ERC1: variants seen among roughly 807,000 people sequenced by gnomAD.
The protein encoded by ERC1 is ELKS/RAB6-interacting/CAST family member 1, also known as RAB6 interacting protein 2.
ERC1 carries 56 observed loss-of-function variants against 132.0 expected under a neutral mutation model. The observed-to-expected ratio is 0.42, with a 90% CI of 0.34 to 0.53. The LOEUF (loss-of-function observed/expected upper bound fraction) is 0.53. Ranked by LOEUF, ERC1 falls within the 20% of genes least tolerant of loss-of-function variation. The pLI is 0.03. For synonymous variants in ERC1, 478 were observed against 476.1 expected (o/e 1.00, Z -0.05); for missense variants, 1,202 against 1,349.9 (o/e 0.89, Z 1.72).
At chr12:1,168,321 G>T (rs1011712508) in intron 8 of ERC1, among the ~76,000 whole-genome samples, 2 of 151,714 alleles carry the variant, frequency 1.3e-5, no homozygotes, top group African/African-American at 4.8e-5. Flanking sequence ...GATGGGTTTC[G>T]CCATGTTGCT....
At chr12:1,337,516 A>G (rs2083419335) in intron 15 of ERC1, among the ~76,000 whole-genome samples, 2 of 152,020 alleles carry the variant, frequency 1.3e-5, no homozygotes, top group Admixed American at 6.6e-5. Context: ...GTGCCTTTTA[A>G]TAGGGGTATT....
chr12:1,247,431 G>C (rs899941424), intron 13 of ERC1, among the ~76,000 whole-genome samples: 1 of 152,166 alleles, frequency 6.6e-6, no homozygotes. Context: ...GATGGGCACT[G>C]TTCTGTTTTT....
chr12:1,132,623 C>T (rs1051984936), intron 7 of ERC1, among the ~76,000 whole-genome samples: 4 of 152,062 alleles, frequency 2.6e-5, no homozygotes, highest in Non-Finnish European at 5.9e-5. Flanking sequence ...AAATGTTGTC[C>T]TGTGTGATGG....
At chr12:1,148,906 A>G (rs1390625410) in intron 8 of ERC1, among the ~76,000 whole-genome samples, 2 of 151,980 alleles carry the variant, frequency 1.3e-5, no homozygotes, top group African/African-American at 4.8e-5. Context: ...TTGGCCTAGT[A>G]CTGCTTTGTA....
upstream of ERC1, chr12:990,355 CA>C (rs34154699): frequency 6.3e-5 from 9 of 143,210 alleles, no homozygotes; most frequent in African/African-American, 5.1e-5. Context: ...TGCATGGCTC[CA>C]AAAAAAAAAC....
chr12:1,196,829 T>C (rs1956291837), intron 12 of ERC1, among the ~76,000 whole-genome samples: 2 of 119,542 alleles, frequency 1.7e-5, no homozygotes, highest in South Asian at 4.8e-4. Flanking sequence ...TCTCTCTCTC[T>C]CTGTCTGTCT....
rs552879184 is a variant in ERC1, at chr12:1,311,557, G to C, written c.2780+21545G>C. Among the ~76,000 whole-genome samples, 10 of 152,102 alleles carry C rather than the reference G, an allele frequency of 6.6e-5. No homozygotes were observed. In the South Asian group the frequency reaches 2.1e-3, roughly 32 times the overall value. Reference sequence around the variant, plus strand: ...TAAATACATAGTTGTCCTATTAATGGGGACCTTTTTTTCCCGTGAGCATCT... The same window carrying C: ...TAAATACATAGTTGTCCTATTAATGCGGACCTTTTTTTCCCGTGAGCATCT... On this transcript the variant is annotated intron_variant, in intron 15 of 18. Coordinates refer to ENST00000360905, the MANE Select transcript of ERC1 (RefSeq NM_178040.4).
At chr12:1,325,274 A>G (rs2082369736) in intron 15 of ERC1, among the ~76,000 whole-genome samples, 1 of 152,164 alleles carries the variant, frequency 6.6e-6, no homozygotes, top group African/African-American at 2.4e-5. Flanking sequence ...CTGAATTGTC[A>G]GGGCCTTTCT....
intron 12 of ERC1, among the ~76,000 whole-genome samples, chr12:1,195,875 GC>G (rs5795962): frequency 0.14 from 13,800 of 97,404 alleles, 1,502 homozygotes; most frequent in African/African-American, 0.33. Context: ...ACTTATTTCC[GC>G]CCCCCCCCCC....
chr12:1,307,857 C>A (rs1488833967), intron 15 of ERC1, among the ~76,000 whole-genome samples: 2 of 152,290 alleles, frequency 1.3e-5, no homozygotes, highest in East Asian at 3.9e-4. Context: ...TAGAACTGAA[C>A]TGAACTGTAG....
chr12:1,239,522 GA>G (rs1429335121), intron 13 of ERC1, among the ~76,000 whole-genome samples: 1 of 152,146 alleles, frequency 6.6e-6, no homozygotes, highest in African/African-American at 2.4e-5. Flanking sequence ...CAGAGTTCAA[GA>G]CCAGCCTGAG....
intron 15 of ERC1, among the ~76,000 whole-genome samples, chr12:1,354,251 T>TCCTTAGTTAAGCTAAGTTAACCA (rs2085309670): frequency 6.6e-6 from 1 of 152,106 alleles, no homozygotes; most frequent in African/African-American, 2.4e-5. Flanking sequence ...AGGCCAGGTG[T>TCCTTAGTTAAGCTAAGTTAACCA]GGTGGCTCAT....
chr12:1,323,928 T>C lies in ERC1; in HGVS notation c.2780+33916T>C, dbSNP rs368378475. Among the ~76,000 whole-genome samples, 4 of 152,186 alleles carry C rather than the reference T, an allele frequency of 2.6e-5. No individual in the cohort carries two copies. The East Asian group carries it at 7.7e-4, about 29-fold the overall frequency. On this transcript the variant is annotated intron_variant, in intron 15 of 18. Coordinates refer to ENST00000360905, the MANE Select transcript of ERC1 (RefSeq NM_178040.4). ...GGAATTTCGCCTCTGCTATTTTACC[T>C]TCTAAGCTGTGAACCCTTGTCATCC...
chr12:1,008,465 C>T (rs938371259), intron 1 of ERC1, among the ~76,000 whole-genome samples: 1 of 151,884 alleles, frequency 6.6e-6, no homozygotes, highest in Non-Finnish European at 1.5e-5. Flanking sequence ...TTTTTTGAGA[C>T]AGGCTCTTGC....
intron 13 of ERC1, among the ~76,000 whole-genome samples, chr12:1,258,272 T>C (rs568224142): frequency 4.6e-5 from 7 of 152,200 alleles, no homozygotes; most frequent in Non-Finnish European, 7.3e-5. Flanking sequence ...GTACATAGTA[T>C]ATGTAGATTT....
intron 16 of ERC1, among the ~76,000 whole-genome samples, chr12:1,382,901 A>T (rs1256990686): frequency 6.6e-6 from 1 of 152,204 alleles, no homozygotes; most frequent in African/African-American, 2.4e-5. Context: ...TCATATTTTG[A>T]TGAATTCTGC....
intron 1 of ERC1, among the ~76,000 whole-genome samples, chr12:999,917 C>T (rs1046568564): frequency 2.0e-5 from 3 of 152,104 alleles, no homozygotes; most frequent in Non-Finnish European, 4.4e-5. Context: ...TTTAAGATTC[C>T]TTCCAATCTT....
chr12:1,055,219 A>G (rs1972730260), intron 2 of ERC1, among the ~76,000 whole-genome samples: 1 of 151,482 alleles, frequency 6.6e-6, no homozygotes, highest in African/African-American at 2.4e-5. Context: ...TCACTCTATC[A>G]CCCAGGCTGG....
intron 13 of ERC1, among the ~76,000 whole-genome samples, chr12:1,259,046 T>C (rs908995675): frequency 6.6e-6 from 1 of 152,212 alleles, no homozygotes; most frequent in Non-Finnish European, 1.5e-5. Context: ...TTCTTCATAG[T>C]GCAAGATACT....
Sources: gnomAD v4.1 joint callset for allele counts (sites outside exome capture counted in the v4.1 genomes callset) on GRCh38, gnomAD v4.1.1 for gene constraint, MANE v1.5 for transcripts, NCBI Gene and HGNC (gene_info 2026-07-23, HGNC 2026-07-21) for gene names.